Variants in IRS1 observed in about 807,000 individuals in gnomAD.
IRS1 encodes the protein insulin receptor substrate 1.
IRS1 carries 34 observed loss-of-function variants against 65.6 expected under a neutral mutation model. The observed-to-expected ratio is 0.52, with a 90% CI of 0.39 to 0.69. The LOEUF (loss-of-function observed/expected upper bound fraction) is 0.69. Ranked by LOEUF, IRS1 falls within the 30% of genes least tolerant of loss-of-function variation. IRS1 has a pLI of 0.00. For synonymous variants in IRS1, 699 were observed against 683.5 expected (o/e 1.02, Z -0.35); for missense variants, 1,641 against 1,720.2 (o/e 0.95, Z 0.81).
At chr2:226,791,562 GGGCCTGCGGCTC>G (rs747400998) in intron 1 of IRS1, among the ~76,000 whole-genome samples, 4 of 152,158 alleles carry the variant, frequency 2.6e-5, no homozygotes, top group Non-Finnish European at 5.9e-5. Context: ...GGTGCAGAGG[GGGCCTGCGGCTC>G]GGCCTGCGGG....
At chr2:226,786,594 TGGG>T (rs1939490553) in intron 1 of IRS1, among the ~76,000 whole-genome samples, 1 of 147,022 alleles carries the variant, frequency 6.8e-6, no homozygotes, top group Admixed American at 6.9e-5. Context: ...TATGAGAAAC[TGGG>T]GACAAAGGTG....
At position 226,796,180 on chromosome 2, in the gene IRS1, G is replaced by C. The variant is rs1179194671; in HGVS notation, c.2559C>G (p.Ser853Arg). The C allele has an allele frequency of 6.2e-7, 1 of 1,613,722 alleles. No homozygotes were observed. Among genetic ancestry groups the C allele is most frequent in the Admixed American group, 1.7e-5 (1 of 60,026 alleles). ...ACAGCCTCGTGGGCCGGGCCAGGCG[G>C]CTATTGGTCTGAGCAGCTGTGTCCA... ...RKVDTAAQTN[S>R]RLARPTRLSL... is the part of the protein sequence containing the mutation. Residue 853 changes from serine to arginine, a missense_variant, in exon 1 of 2, where the codon AGC becomes AGG. Physicochemically the swap from Ser to Arg is moderately radical, Grantham distance 110. This residue lies in a region of IRS1 where 1,324 missense variants were observed against 1,361.0 expected (regional missense o/e 0.97). Transcript: ENST00000305123.
intron 1 of IRS1, among the ~76,000 whole-genome samples, chr2:226,752,289 C>G (rs2106163181): frequency 6.6e-6 from 1 of 152,294 alleles, no homozygotes; most frequent in Non-Finnish European, 1.5e-5. Context: ...AAAGGATGGT[C>G]TGTGTGTGGT....
chr2:226,793,435 C>A (rs1347920499), intron 1 of IRS1, among the ~76,000 whole-genome samples: 1 of 152,134 alleles, frequency 6.6e-6, no homozygotes, highest in Non-Finnish European at 1.5e-5. Context: ...ACAATTAAAT[C>A]TTTCTTCTAG....
At position 226,794,843 on chromosome 2, in the gene IRS1, G is replaced by A; in HGVS notation, c.*21+146C>T. The A allele has an allele frequency of 1.6e-5, 12 of 765,636 alleles. No individual in the cohort carries two copies. In the Admixed American group the frequency reaches 1.6e-4, roughly 10 times the overall value. 47.4% of individuals were successfully genotyped at this position (765,636 alleles called of 1,614,324 possible). On this transcript the variant is annotated intron_variant, in intron 1 of 1. Transcript: ENST00000305123. This position sits in a 1 kb window ranked among gnomAD's most constrained non-coding sequence, Gnocchi z 4.1. Reference sequence around the variant, plus strand: ...TCTCTGCCAGATGTCAGTGTGGGGTGAGCATCTTGTGTGCCCTGAGAATGT... The same window carrying A: ...TCTCTGCCAGATGTCAGTGTGGGGTAAGCATCTTGTGTGCCCTGAGAATGT...
intron 1 of IRS1, among the ~76,000 whole-genome samples, chr2:226,791,970 C>T (rs1356970901): frequency 2.6e-5 from 4 of 152,136 alleles, no homozygotes; most frequent in Non-Finnish European, 4.4e-5. Context: ...CGGAGGTGAC[C>T]CGGAAAAGGG....
chr2:226,753,403 A>T (rs1049663575), intron 1 of IRS1, among the ~76,000 whole-genome samples: 1 of 152,234 alleles, frequency 6.6e-6, no homozygotes, highest in Non-Finnish European at 1.5e-5. Flanking sequence ...ACACTTCATT[A>T]GCTGAAAGGT....
At chr2:226,777,694 A>C (rs921036402) in intron 1 of IRS1, among the ~76,000 whole-genome samples, 4 of 152,160 alleles carry the variant, frequency 2.6e-5, no homozygotes, top group African/African-American at 9.7e-5. Context: ...TGATAGTTTT[A>C]AAAACGGGGG....
chr2:226,742,713 G>GAAAAA (rs537549029), intron 1 of IRS1, among the ~76,000 whole-genome samples: 1 of 124,598 alleles, frequency 8.0e-6, no homozygotes, highest in African/African-American at 2.8e-5. Context: ...CACGCATTAT[G>GAAAAA]AAAAAAAAAA....
Position 226,798,851 on chromosome 2 carries a change from A to G in IRS1, c.-113T>C. The G allele has an allele frequency of 1.3e-6, 2 of 1,537,206 alleles. No homozygotes were observed. Among genetic ancestry groups the G allele is most frequent in the Non-Finnish European group, 1.8e-6 (2 of 1,140,532 alleles). ...ACATGCAAACAGGGCTGGAGGCAGCAGAAACCCCGACTCTGAAATCCACGC... is the reference window on the plus strand; with the variant it reads ...ACATGCAAACAGGGCTGGAGGCAGCGGAAACCCCGACTCTGAAATCCACGC... On this transcript the variant is annotated 5_prime_UTR_variant, in exon 1 of 2. Transcript: ENST00000305123. This position sits in a 1 kb window ranked among gnomAD's most constrained non-coding sequence, Gnocchi z 9.4.
At chr2:226,757,146 T>TG (rs1206538454) in intron 1 of IRS1, among the ~76,000 whole-genome samples, 1 of 152,160 alleles carries the variant, frequency 6.6e-6, no homozygotes, top group African/African-American at 2.4e-5. Flanking sequence ...AATTAATAAT[T>TG]TATGACAACG....
At chr2:226,766,590 A>G (rs1052405228) in intron 1 of IRS1, among the ~76,000 whole-genome samples, 1 of 152,176 alleles carries the variant, frequency 6.6e-6, no homozygotes, top group Admixed American at 6.5e-5. Flanking sequence ...AAACCCAGCA[A>G]TCCACCAGCA....
chr2:226,755,899 A>G (rs1938787034), intron 1 of IRS1, among the ~76,000 whole-genome samples: 1 of 152,226 alleles, frequency 6.6e-6, no homozygotes, highest in African/African-American at 2.4e-5. Context: ...CCAAAAACAT[A>G]CATGTATATG....
intron 1 of IRS1, among the ~76,000 whole-genome samples, chr2:226,777,745 A>C (rs970208186): frequency 6.6e-6 from 1 of 152,150 alleles, no homozygotes; most frequent in African/African-American, 2.4e-5. Context: ...TTCCATCCAC[A>C]TAAGATGTGA....
chr2:226,737,822 G>C (rs1256569689), intron 1 of IRS1, among the ~76,000 whole-genome samples: 1 of 152,182 alleles, frequency 6.6e-6, no homozygotes, highest in Non-Finnish European at 1.5e-5. Flanking sequence ...TGTCTATGTT[G>C]CTTTGGTGTT....
chr2:226,798,831 C>T lies in IRS1; in HGVS notation c.-93G>A, dbSNP rs1243872679. 3 of 1,548,132 alleles carry T rather than the reference C, an allele frequency of 1.9e-6. No individual in the cohort carries two copies. The Admixed American group carries it at 5.9e-5, about 30-fold the overall frequency. On this transcript the variant is annotated 5_prime_UTR_variant, in exon 1 of 2. Coordinates refer to ENST00000305123, the MANE Select transcript of IRS1 (RefSeq NM_005544.3). This position sits in a 1 kb window ranked among gnomAD's most constrained non-coding sequence, Gnocchi z 9.4. ...GCTCCTCGCCGCGGCCCGGCACATG[C>T]AAACAGGGCTGGAGGCAGCAGAAAC...
At chr2:226,742,713 G>GGAAAAAAAAAAAAAAA (rs889878007) in intron 1 of IRS1, among the ~76,000 whole-genome samples, 19 of 124,580 alleles carry the variant, frequency 1.5e-4, no homozygotes, top group African/African-American at 5.0e-4. Flanking sequence ...CACGCATTAT[G>GGAAAAAAAAAAAAAAA]AAAAAAAAAA....
At position 226,786,525 on chromosome 2, in the gene IRS1, A is replaced by C. The variant is rs568068683; in HGVS notation, c.*21+8464T>G. ...AACCAACTTTTTATTACAAAGCTTC[A>C]AAATTTATAAGCAGTCTATCTCTGG... On this transcript the variant is annotated intron_variant, in intron 1 of 1. Coordinates refer to ENST00000305123, the MANE Select transcript of IRS1 (RefSeq NM_005544.3). Among the ~76,000 whole-genome samples, 37 of 152,220 alleles carry C rather than the reference A, an allele frequency of 2.4e-4. No individual in the cohort carries two copies. The East Asian group carries it at 6.2e-3, about 25-fold the overall frequency.
intron 1 of IRS1, among the ~76,000 whole-genome samples, chr2:226,779,092 A>G (rs1939332266): frequency 6.6e-6 from 1 of 152,186 alleles, no homozygotes; most frequent in East Asian, 1.9e-4. Context: ...TGTACCACTT[A>G]ACCAGAATGC....
Sources: allele counts gnomAD v4.1 joint callset (sites outside exome capture counted in the v4.1 genomes callset), GRCh38; gene constraint gnomAD v4.1.1; regional missense constraint gnomAD v4.1.1; non-coding constraint Gnocchi (gnomAD v3.1); transcripts MANE v1.5; gene names NCBI Gene and HGNC (gene_info 2026-07-23, HGNC 2026-07-21).